Variants in NDP observed in about 807,000 individuals in gnomAD.
NDP encodes the protein norrin.
Under a neutral mutation model 8.4 loss-of-function variants are expected in NDP, and 2 were observed. The ratio of observed to expected loss-of-function variants is 0.24; its 90% CI spans 0.10 to 0.75. The LOEUF is 0.75. Ranked by LOEUF, NDP falls within the 30% of genes least tolerant of loss-of-function variation. NDP has a pLI of 0.73. For missense variants in NDP, 81 were observed against 110.1 expected (o/e 0.74, Z 1.18); for synonymous variants, 55 against 45.6 (o/e 1.21, Z -0.83).
At chrX:43,970,724 C>T (rs993778676) in intron 1 of NDP, among the ~76,000 whole-genome samples, 10 of 111,270 alleles carry the variant, frequency 9.0e-5, no homozygotes, top group Admixed American at 9.5e-5. Context: ...GGGATAGTGA[C>T]TGCATCTTCC....
At chrX:43,951,247 TA>T (rs371041021) in intron 2 of NDP, among the ~76,000 whole-genome samples, 39 of 102,269 alleles carry the variant, frequency 3.8e-4, no homozygotes, top group African/African-American at 9.2e-4. Context: ...ACCGTGTCTC[TA>T]AAAAAAAAAA....
chrX:43,961,400 A>G (rs1328489971), intron 1 of NDP, among the ~76,000 whole-genome samples: 2 of 112,813 alleles, frequency 1.8e-5, no homozygotes, highest in African/African-American at 6.4e-5. Flanking sequence ...TTAATAGGGG[A>G]CTGGTTAATT....
In NDP at chrX:43,960,438, C is replaced by T. The variant is rs766215893; in HGVS notation, c.-207-1586G>A. Among the ~76,000 whole-genome samples the T allele has an allele frequency of 2.3e-4, 26 of 112,368 alleles. No individual in the cohort carries two copies. In the East Asian group the frequency reaches 7.3e-3, roughly 31 times the overall value. ...GCCCAAAGTTGACGAGACCATATTC[C>T]AGCACAACTTTGCACCACTTTATGT... On this transcript the variant is annotated intron_variant, in intron 1 of 2. Transcript: ENST00000642620.
intron 1 of NDP, among the ~76,000 whole-genome samples, chrX:43,961,322 C>T (rs1471738182): frequency 8.9e-6 from 1 of 112,388 alleles, no homozygotes; most frequent in Non-Finnish European, 1.9e-5. Context: ...TGTGAATTAT[C>T]CTACATGTGA....
In NDP at chrX:43,957,658, C is replaced by T. The variant is rs149303735; in HGVS notation, c.174+814G>A. Among the ~76,000 whole-genome samples the T allele has an allele frequency of 7.8e-4, 85 of 109,481 alleles. 1 individual carries two copies. In the East Asian group the frequency reaches 0.022, roughly 29 times the overall value. ...GTAATTTCAAAAATTACTTGCCATACGAGAATGTTTAAGTGATTTTCATCT... is the reference window on the plus strand; with the variant it reads ...GTAATTTCAAAAATTACTTGCCATATGAGAATGTTTAAGTGATTTTCATCT... On this transcript the variant is annotated intron_variant, in intron 2 of 2. Coordinates refer to ENST00000642620, the MANE Select transcript of NDP (RefSeq NM_000266.4).
rs1417129506 is a variant in NDP at position 43,957,691 on chromosome X, A to T, written c.174+781T>A. On this transcript the variant is annotated intron_variant, in intron 2 of 2. Coordinates refer to ENST00000642620, the MANE Select transcript of NDP (RefSeq NM_000266.4). ...TTTAAGTGATTTTCATCTCAAAACT[A>T]AATGTAAAAATCTCTGAGGTTGGGC... Among the ~76,000 whole-genome samples the T allele has an allele frequency of 3.7e-5, 4 of 108,562 alleles. No individual in the cohort carries two copies. In the South Asian group the frequency reaches 1.2e-3, roughly 33 times the overall value. 94.3% of individuals were successfully genotyped at this position (108,562 alleles called of 115,157 possible).
chrX:43,971,090 G>A lies in NDP; in HGVS notation c.-208+2214C>T, dbSNP rs150584131. Among the ~76,000 whole-genome samples the A allele has an allele frequency of 4.0e-3, 443 of 111,916 alleles. 1 individual carries two copies. The highest frequency in any genetic ancestry group is 0.014 in the African/African-American group (435 of 30,785). ...AATTCTTTATAACAGGAAAGTTATT[G>A]CCCACTTTACCCATTGGCAATGCCC... On this transcript the variant is annotated intron_variant, in intron 1 of 2. Transcript: ENST00000642620.
At chrX:43,967,163 T>G (rs2035862531) in intron 1 of NDP, among the ~76,000 whole-genome samples, 1 of 111,440 alleles carries the variant, frequency 9.0e-6, no homozygotes, top group Non-Finnish European at 1.9e-5. Context: ...GCTATGTCTA[T>G]GTCTTTTGAC....
At chrX:43,960,105 G>C (rs2035817947) in intron 1 of NDP, among the ~76,000 whole-genome samples, 1 of 107,286 alleles carries the variant, frequency 9.3e-6, no homozygotes, top group African/African-American at 3.4e-5. Flanking sequence ...GTGAGATAGG[G>C]CTGTTTCAGA....
In NDP at chrX:43,950,189, A is replaced by G. The variant is rs746112115; in HGVS notation, c.175-163T>C. 2.0e-4 allele frequency: 94 copies of G among 475,283 alleles called. No homozygotes were observed. In the African/African-American group the frequency reaches 2.0e-3, roughly 10 times the overall value. The allele number at this position is 475,283 out of a possible 1,213,427, so 39.2% of individuals were successfully genotyped here. ...TTTTTTAAGTCAACACCCAGGCCTC[A>G]TTCAGATCGATTGAATTAAAATCCT... On this transcript the variant is annotated intron_variant, in intron 2 of 2. Transcript: ENST00000642620.
In NDP at chrX:43,972,064, C is replaced by T. The variant is rs1039730219; in HGVS notation, c.-208+1240G>A. On this transcript the variant is annotated intron_variant, in intron 1 of 2. Coordinates refer to ENST00000642620, the MANE Select transcript of NDP (RefSeq NM_000266.4). Reference sequence around the variant, plus strand: ...AGTCATCTCTCTGTTTTCAAATGCACCTGGTATTTAATCTTATGTGTTGGG... The same window carrying T: ...AGTCATCTCTCTGTTTTCAAATGCATCTGGTATTTAATCTTATGTGTTGGG... Among the ~76,000 whole-genome samples, 5 of 112,060 alleles carry T rather than the reference C, an allele frequency of 4.5e-5. No homozygotes were observed. In the Admixed American group the frequency reaches 4.7e-4, roughly 11 times the overall value.
At chrX:43,960,983 T>G (rs770180651) in intron 1 of NDP, 1 of 112,176 alleles carries the variant, frequency 8.9e-6, no homozygotes, top group African/African-American at 3.2e-5. Flanking sequence ...ACCCTATACA[T>G]GTGTATGCAT....
intron 2 of NDP, among the ~76,000 whole-genome samples, chrX:43,950,369 C>T (rs992470124): frequency 1.9e-5 from 2 of 107,511 alleles, no homozygotes; most frequent in East Asian, 5.8e-4. Context: ...TAGTGGTCTA[C>T]CACTGGCCCA....
intron 2 of NDP, among the ~76,000 whole-genome samples, chrX:43,950,458 C>CAAAA (rs11292831): frequency 4.4e-4 from 26 of 59,243 alleles, no homozygotes; most frequent in East Asian, 1.3e-3. Context: ...AAATGACTAC[C>CAAAA]AAAAAAAAAA....
intron 2 of NDP, among the ~76,000 whole-genome samples, chrX:43,956,910 G>T (rs1391032897): frequency 9.0e-6 from 1 of 111,574 alleles, no homozygotes; most frequent in Non-Finnish European, 1.9e-5. Context: ...TCTCTTCTTT[G>T]ACCTTCGCTA....
chrX:43,963,824 A>G (rs187384470), intron 1 of NDP, among the ~76,000 whole-genome samples: 1 of 112,759 alleles, frequency 8.9e-6, no homozygotes, highest in East Asian at 2.8e-4. Context: ...GTTGGATTTT[A>G]TAAAGCATCC....
rs139239511 is a variant in NDP, at chrX:43,955,080, T to G, written c.174+3392A>C. Among the ~76,000 whole-genome samples the G allele has an allele frequency of 3.2e-3, 356 of 111,802 alleles. 1 individual carries two copies. The highest frequency in any genetic ancestry group is 0.011 in the African/African-American group (340 of 30,795). On this transcript the variant is annotated intron_variant, in intron 2 of 2. Transcript: ENST00000642620. Reference sequence around the variant, plus strand: ...TCTCTTTTACTTTTATCCTCCCTGTTAGCACCCAGCACAGTGGCTTACATT... The same window carrying G: ...TCTCTTTTACTTTTATCCTCCCTGTGAGCACCCAGCACAGTGGCTTACATT...
chrX:43,954,861 C>T (rs2035783502), intron 2 of NDP, among the ~76,000 whole-genome samples: 1 of 111,323 alleles, frequency 9.0e-6, no homozygotes, highest in African/African-American at 3.3e-5. Context: ...TGCCCTGGTT[C>T]CATGCCCTGG....
chrX:43,955,741 T>A (rs2035789312), intron 2 of NDP, among the ~76,000 whole-genome samples: 1 of 112,355 alleles, frequency 8.9e-6, no homozygotes. Flanking sequence ...CTGTGGCCAG[T>A]CTTTTCTGCC....
Sources: gnomAD v4.1 joint callset for allele counts (sites outside exome capture counted in the v4.1 genomes callset) on GRCh38, gnomAD v4.1.1 for gene constraint, MANE v1.5 for transcripts, NCBI Gene and HGNC (gene_info 2026-07-23, HGNC 2026-07-21) for gene names.